PCDHA2: variants seen among roughly 807,000 people sequenced by gnomAD.
The protein encoded by PCDHA2 is protocadherin alpha 2.
Under a neutral mutation model 66.0 loss-of-function variants are expected in PCDHA2, and 58 were observed. That is an observed-to-expected ratio of 0.88 (90% CI 0.71 to 1.09). The LOEUF (loss-of-function observed/expected upper bound fraction) is 1.09, where lower values mean the gene tolerates loss of function less well. PCDHA2 is among the 50% of genes least tolerant of loss of function. The pLI, the probability that PCDHA2 is intolerant of heterozygous loss-of-function variation, is 0.00. For missense variants in PCDHA2, 1,267 were observed against 1,242.3 expected (o/e 1.02, Z -0.30); for synonymous variants, 634 against 554.0 (o/e 1.14, Z -2.03).
chr5:140,808,528 T>C lies in PCDHA2; in HGVS notation c.2388+11176T>C, dbSNP rs1554124619. 4 of 1,614,032 alleles carry C rather than the reference T, an allele frequency of 2.5e-6. No individual in the cohort carries two copies. In the Admixed American group the frequency reaches 6.7e-5, roughly 27 times the overall value. ...CCAGTGTTTCTGTGGAGGTGGCTGA[T>C]GTGAACGACAACGCTCCGGCGTTCG... On this transcript the variant is annotated intron_variant, in intron 1 of 3. Coordinates refer to ENST00000526136, the MANE Select transcript of PCDHA2 (RefSeq NM_018905.3).
At chr5:140,983,392 C>T (rs1190599444) in intron 3 of PCDHA2, among the ~76,000 whole-genome samples, 2 of 152,150 alleles carry the variant, frequency 1.3e-5, no homozygotes, top group African/African-American at 2.4e-5. Context: ...TGGCAGTTTT[C>T]AGAAAGGGAA....
chr5:140,795,165 G>T lies in PCDHA2; in HGVS notation c.201G>T (p.Ala67=). ...EELVPRLFRV[A]SKRHGDLLEV... ...TGGTGCCGCGCCTGTTCCGGGTGGC[G>T]TCCAAAAGACACGGGGACCTTCTGG... Residue 67 remains alanine, a synonymous_variant, in exon 1 of 4, where the codon GCG becomes GCT. Coordinates refer to ENST00000526136, the MANE Select transcript of PCDHA2 (RefSeq NM_018905.3). 6.2e-7 allele frequency: 1 copy of T among 1,614,054 alleles called. No homozygotes were observed. Among genetic ancestry groups the T allele is most frequent in the Non-Finnish European group, 8.5e-7 (1 of 1,180,018 alleles).
At chr5:140,868,974 C>G in intron 1 of PCDHA2, 1 of 1,471,886 alleles carries the variant, frequency 6.8e-7, no homozygotes, top group Non-Finnish European at 9.1e-7. Flanking sequence ...GGAACTCCAT[C>G]ATACCGGATG....
Position 140,805,326 on chromosome 5 carries a change from G to GATCCA in PCDHA2, c.2388+7976_2388+7977insCCAAT, listed in dbSNP as rs1420387456. 7.2e-6 allele frequency: 9 copies of GATCCA among 1,251,672 alleles called. No individual in the cohort carries two copies. In the African/African-American group the frequency reaches 1.1e-4, roughly 15 times the overall value. The allele number at this position is 1,251,672 out of a possible 1,614,324, so 77.5% of individuals were successfully genotyped here. On this transcript the variant is annotated intron_variant, in intron 1 of 3. Coordinates refer to ENST00000526136, the MANE Select transcript of PCDHA2 (RefSeq NM_018905.3). ...CTTCCTCCTTTTTTCCAATGTGCTT[G>GATCCA]ATGTCAATGATCATTTTGTAAAAAT... is the stretch of plus-strand genomic sequence containing the variant.
chr5:140,957,513 T>C (rs76093065), intron 1 of PCDHA2, among the ~76,000 whole-genome samples: 3,563 of 152,232 alleles, frequency 0.023, 49 homozygotes, highest in Middle Eastern at 0.034. Flanking sequence ...TTATCCTTGG[T>C]TTCAGACATT....
intron 1 of PCDHA2, among the ~76,000 whole-genome samples, chr5:140,959,419 A>G (rs1554224077): frequency 2.0e-5 from 3 of 152,150 alleles, no homozygotes; most frequent in Non-Finnish European, 4.4e-5. Context: ...TTGATCTGAG[A>G]ATTTGTGTAT....
At chr5:140,842,387 T>C (rs2150335066) in intron 1 of PCDHA2, 1 of 1,611,016 alleles carries the variant, frequency 6.2e-7, no homozygotes, top group Admixed American at 1.7e-5. Flanking sequence ...GACTTCCTTA[T>C]CCTTGCCTGT....
intron 1 of PCDHA2, chr5:140,929,129 C>A (rs1206531954): frequency 6.2e-7 from 1 of 1,614,052 alleles, no homozygotes; most frequent in East Asian, 2.2e-5. Context: ...GATGTCACTA[C>A]AGTTGAGAGA....
intron 1 of PCDHA2, chr5:140,821,874 G>A (rs199540221): frequency 2.2e-5 from 35 of 1,614,080 alleles, no homozygotes; most frequent in African/African-American, 4.0e-5. Context: ...TCCACTACTC[G>A]ATCCCGGAGG....
chr5:140,794,962 GT>G lies in PCDHA2; in HGVS notation c.-2del. On this transcript the variant is annotated 5_prime_UTR_variant, in exon 1 of 4. Transcript: ENST00000526136. ...AATTTGATCAAAACATTGAGGATTG[GT>G]AATGGCGTCTTCTATCAGAAGGGGC... 2 of 1,606,336 alleles carry G rather than the reference GT, an allele frequency of 1.2e-6. No homozygotes were observed. Among genetic ancestry groups the G allele is most frequent in the Non-Finnish European group, 1.7e-6 (2 of 1,176,744 alleles).
intron 1 of PCDHA2, chr5:140,868,232 C>T (rs1176693366): frequency 6.6e-6 from 1 of 152,032 alleles, no homozygotes; most frequent in Non-Finnish European, 1.5e-5. Flanking sequence ...AAAAACTCAT[C>T]TAGATCAATA....
chr5:140,828,898 G>A, intron 1 of PCDHA2: 1 of 1,614,210 alleles, frequency 6.2e-7, no homozygotes, highest in Non-Finnish European at 8.5e-7. Flanking sequence ...CTTCTGATCG[G>A]GATGAAGGAG....
chr5:140,928,152 T>G, intron 1 of PCDHA2: 1 of 1,614,200 alleles, frequency 6.2e-7, no homozygotes, highest in East Asian at 2.2e-5. Context: ...CCTCAGATAG[T>G]GGCTCACCCC....
chr5:140,926,967 A>G (rs782296182), intron 1 of PCDHA2: 4 of 1,606,666 alleles, frequency 2.5e-6, no homozygotes, highest in Middle Eastern at 1.7e-4. Context: ...TCGAGTACTC[A>G]GTGCCGGAGG....
At position 140,898,329 on chromosome 5, in the gene PCDHA2, C is replaced by T. The variant is rs13158044; in HGVS notation, c.2389-80620C>T. Among the ~76,000 whole-genome samples the T allele has an allele frequency of 3.9e-5, 6 of 152,232 alleles. No homozygotes were observed. The East Asian group carries it at 7.7e-4, about 20-fold the overall frequency. On this transcript the variant is annotated intron_variant, in intron 1 of 3. Transcript: ENST00000526136. ...AGGGTTTTTATGGTTTTGGGTCTAA[C>T]GTTTAAGTCTTTAATCCATCTTGAA...
intron 1 of PCDHA2, chr5:140,835,744 C>A: frequency 1.2e-6 from 2 of 1,613,652 alleles, no homozygotes; most frequent in Non-Finnish European, 1.7e-6. Context: ...AACGCCCCGG[C>A]GTTCGCGCAG....
intron 1 of PCDHA2, chr5:140,883,784 A>G (rs2059818732): frequency 3.7e-6 from 6 of 1,612,354 alleles, no homozygotes; most frequent in Non-Finnish European, 4.2e-6. Context: ...TGCGCTGTCG[A>G]GCTACGTGTC....
At chr5:140,880,620 A>C (rs2058397773) in intron 1 of PCDHA2, among the ~76,000 whole-genome samples, 1 of 152,170 alleles carries the variant, frequency 6.6e-6, no homozygotes, top group Non-Finnish European at 1.5e-5. Context: ...AAGAGGGAGG[A>C]GTTAATTATC....
At chr5:140,851,973 C>A in intron 1 of PCDHA2, 1 of 976,422 alleles carries the variant, frequency 1.0e-6, no homozygotes, top group African/African-American at 1.8e-5. Flanking sequence ...CCACACTCTA[C>A]CTTTAGTGCA....
Sources: gnomAD v4.1 joint callset for allele counts (sites outside exome capture counted in the v4.1 genomes callset) on GRCh38, gnomAD v4.1.1 for gene constraint, MANE v1.5 for transcripts, NCBI Gene and HGNC (gene_info 2026-07-23, HGNC 2026-07-21) for gene names.